Variants in GRM1 observed in about 807,000 individuals in gnomAD.
GRM1 encodes the protein glutamate metabotropic receptor 1, also known as metabotropic glutamate receptor 1.
In GRM1, 33 loss-of-function variants were observed where a neutral mutation model predicts 90.9. The observed-to-expected ratio is 0.36, with a 90% CI of 0.28 to 0.49. GRM1 has a LOEUF of 0.49. Among genes scored for constraint, GRM1 ranks in the 20% least tolerant of loss-of-function variants. The probability of loss-of-function intolerance (pLI) is 0.99; values close to 1 mark genes in which losing one functional copy is unlikely to be tolerated. For missense variants in GRM1, 1,190 were observed against 1,534.3 expected, an observed-to-expected ratio of 0.78 and a Z score of 3.75; for synonymous variants, 700 against 613.2, an observed-to-expected ratio of 1.14 and a Z score of -2.09.
chr6:146,107,343 T>C (rs1194445541), intron 1 of GRM1, among the ~76,000 whole-genome samples: 2 of 149,916 alleles, frequency 1.3e-5, no homozygotes, highest in Non-Finnish European at 2.9e-5. Context: ...CATATTTTGT[T>C]GTTGTCTTTC....
intron 6 of GRM1, among the ~76,000 whole-genome samples, chr6:146,392,558 CA>C (rs1776766622): frequency 6.6e-6 from 1 of 152,054 alleles, no homozygotes; most frequent in Non-Finnish European, 1.5e-5. Flanking sequence ...AATTATACTT[CA>C]AGTTCTGGGA....
At chr6:146,241,453 G>GT (rs1780858120) in intron 2 of GRM1, among the ~76,000 whole-genome samples, 1 of 151,980 alleles carries the variant, frequency 6.6e-6, no homozygotes, top group Admixed American at 6.6e-5. Flanking sequence ...GTATTCTTTT[G>GT]TAATATTTTC....
rs142034522 is a variant in GRM1 at position 146,271,634 on chromosome 6, T to C, written c.951-32977T>C. On this transcript the variant is annotated intron_variant, in intron 2 of 7. Transcript: ENST00000282753. Reference sequence around the variant, plus strand: ...TGCCTGTCATTAAGTTTTGTAAGCATAGAATTGCATTTTCTTAAATGTAGG... The same window carrying C: ...TGCCTGTCATTAAGTTTTGTAAGCACAGAATTGCATTTTCTTAAATGTAGG... Among the ~76,000 whole-genome samples, 829 of 152,336 alleles carry C rather than the reference T, an allele frequency of 5.4e-3. 4 individuals are homozygous for C. The highest frequency in any genetic ancestry group is 0.01 in the Middle Eastern group (3 of 294).
chr6:146,436,433 T>A lies in GRM1; in HGVS notation c.*1637T>A, dbSNP rs1438897251. The A allele has an allele frequency of 6.6e-6, 1 of 152,242 alleles. No individual in the cohort carries two copies. Among genetic ancestry groups the A allele is most frequent in the Non-Finnish European group, 1.5e-5 (1 of 68,040 alleles). The allele number at this position is 152,242 out of a possible 1,614,324, so 9.4% of individuals were successfully genotyped here. A position where few individuals can be genotyped will look rare whatever the true frequency, so the allele number is the denominator to read the frequency against. Reference sequence around the variant, plus strand: ...CATAAGATTGAACAAAGCATTTAGATTATTCCAGGTTATATCATTTTTTTA... The same window carrying A: ...CATAAGATTGAACAAAGCATTTAGAATATTCCAGGTTATATCATTTTTTTA... On this transcript the variant is annotated 3_prime_UTR_variant, in exon 8 of 8. Coordinates refer to ENST00000282753, the MANE Select transcript of GRM1 (RefSeq NM_001278064.2).
chr6:146,233,988 T>G (rs1187988778), intron 2 of GRM1, among the ~76,000 whole-genome samples: 2 of 152,132 alleles, frequency 1.3e-5, no homozygotes, highest in African/African-American at 4.8e-5. Context: ...TATTATTAGA[T>G]CCATACACAT....
At chr6:146,129,290 A>G (rs756178453) in intron 1 of GRM1, among the ~76,000 whole-genome samples, 6 of 152,200 alleles carry the variant, frequency 3.9e-5, no homozygotes, top group Admixed American at 1.3e-4. Flanking sequence ...AGCCTCCAGA[A>G]GCAGTGACTG....
intron 5 of GRM1, among the ~76,000 whole-genome samples, chr6:146,358,025 T>C (rs1213410533): frequency 1.3e-5 from 2 of 152,214 alleles, no homozygotes; most frequent in Non-Finnish European, 2.9e-5. Flanking sequence ...TAATAGTGCT[T>C]AGTCATAGTT....
chr6:146,319,527 G>A (rs1350062386), intron 3 of GRM1, among the ~76,000 whole-genome samples: 2 of 152,126 alleles, frequency 1.3e-5, no homozygotes, highest in African/African-American at 4.8e-5. Context: ...AGCTTGATGG[G>A]GAGAGCATTG....
chr6:146,130,493 A>T (rs1017830210), intron 1 of GRM1, among the ~76,000 whole-genome samples: 18 of 152,192 alleles, frequency 1.2e-4, no homozygotes, highest in African/African-American at 4.3e-4. Context: ...TAATGTTTTT[A>T]TTTAAAGTAC....
At chr6:146,098,487 A>T (rs1776943018) in intron 1 of GRM1, among the ~76,000 whole-genome samples, 1 of 152,152 alleles carries the variant, frequency 6.6e-6, no homozygotes, top group Non-Finnish European at 1.5e-5. Flanking sequence ...TTTTAAAATA[A>T]ATACTTTACT....
In GRM1 at chr6:146,173,406, AAAAG is replaced by A. The variant is rs1273291175; in HGVS notation, c.950+13813_950+13816del. 4.0e-5 allele frequency among the ~76,000 whole-genome samples: 6 copies of A among 149,968 alleles called. No individual in the cohort carries two copies. The East Asian group carries it at 1.2e-3, about 29-fold the overall frequency. ...CTCTGTCTCAAAAAAAAAAGAAAAG[AAAAG>A]AAAAAAAAAAAGAAAAAGAAAAAGA... is the stretch of plus-strand genomic sequence containing the variant. On this transcript the variant is annotated intron_variant, in intron 2 of 7. Coordinates refer to ENST00000282753, the MANE Select transcript of GRM1 (RefSeq NM_001278064.2).
At chr6:146,058,166 G>C (rs528947265) in intron 1 of GRM1, among the ~76,000 whole-genome samples, 1 of 152,046 alleles carries the variant, frequency 6.6e-6, no homozygotes, top group East Asian at 1.9e-4. Context: ...TCTTCTTTTT[G>C]CGTATTCTTA....
chr6:146,090,578 G>A (rs1776682593), intron 1 of GRM1, among the ~76,000 whole-genome samples: 1 of 152,046 alleles, frequency 6.6e-6, no homozygotes, highest in Non-Finnish European at 1.5e-5. Flanking sequence ...TAACTATAAT[G>A]TAATCCCTGC....
At chr6:146,364,252 T>C (rs1218870784) in intron 5 of GRM1, among the ~76,000 whole-genome samples, 1 of 152,230 alleles carries the variant, frequency 6.6e-6, no homozygotes, top group Non-Finnish European at 1.5e-5. Context: ...AGTTTCTTTC[T>C]CCTCCAGTGC....
At chr6:146,261,419 T>C (rs1050258651) in intron 2 of GRM1, among the ~76,000 whole-genome samples, 4 of 152,130 alleles carry the variant, frequency 2.6e-5, no homozygotes, top group African/African-American at 9.7e-5. Flanking sequence ...GGGAAGGAAC[T>C]GTTTAAATGT....
At chr6:146,148,948 C>A in intron 1 of GRM1, among the ~76,000 whole-genome samples, 1 of 152,072 alleles carries the variant, frequency 6.6e-6, no homozygotes, top group South Asian at 2.1e-4. Flanking sequence ...CTCCTGTGAA[C>A]CTGTTTCTTG....
At chr6:146,086,682 C>G (rs535112583) in intron 1 of GRM1, among the ~76,000 whole-genome samples, 12 of 152,022 alleles carry the variant, frequency 7.9e-5, no homozygotes, top group Admixed American at 7.2e-4. Flanking sequence ...TTCATGAACT[C>G]CTTTTCCCAG....
intron 1 of GRM1, among the ~76,000 whole-genome samples, chr6:146,109,688 C>T (rs1348701875): frequency 1.3e-5 from 2 of 152,160 alleles, no homozygotes; most frequent in African/African-American, 2.4e-5. Context: ...TGACAGCTTG[C>T]ACCATGCACC....
chr6:146,433,322 C>T (rs1339543018), intron 7 of GRM1, among the ~76,000 whole-genome samples: 1 of 152,158 alleles, frequency 6.6e-6, no homozygotes, highest in Non-Finnish European at 1.5e-5. Flanking sequence ...CCTGTGTGAT[C>T]ACGCCACCCT....
Sources: gnomAD v4.1 joint callset for allele counts (sites outside exome capture counted in the v4.1 genomes callset) on GRCh38, gnomAD v4.1.1 for gene constraint, MANE v1.5 for transcripts, NCBI Gene and HGNC (gene_info 2026-07-23, HGNC 2026-07-21) for gene names.